The following RPSA variants were observed in gnomAD, a reference collection of about 807,000 sequenced individuals.
The protein encoded by RPSA is ribosomal protein SA.
For synonymous variants in RPSA, 103 were observed against 126.7 expected (o/e 0.81, Z 1.25); for missense variants, 140 against 372.8 (o/e 0.38, Z 5.14).
rs753952340 is a variant in RPSA, at chr3:39,412,083, A to G, written c.793+22A>G. On this transcript the variant is annotated intron_variant, in intron 6 of 6. Coordinates refer to ENST00000301821, the MANE Select transcript of RPSA (RefSeq NM_002295.6). ...ACTGGTATGTATCAGGATAGAGGTGAATCAAGCTGATATTTTGCAACTTCT... is the reference window on the plus strand; with the variant it reads ...ACTGGTATGTATCAGGATAGAGGTGGATCAAGCTGATATTTTGCAACTTCT... The G allele has an allele frequency of 1.2e-5, 19 of 1,607,580 alleles. No individual in the cohort carries two copies. In the East Asian group the frequency reaches 4.2e-4, roughly 36 times the overall value.
intron 1 of RPSA, among the ~76,000 whole-genome samples, 184 bp from the exon 2 acceptor site, chr3:39,407,437 T>A (rs772284562): frequency 1.1e-4 from 16 of 152,158 alleles, no homozygotes; most frequent in Non-Finnish European, 1.9e-4. Flanking sequence ...CCACACTATT[T>A]CCTCAGTAAG....
chr3:39,412,231 T>C (rs189493762), intron 6 of RPSA, 43 bp from the exon 7 acceptor site: 462 of 1,491,670 alleles, frequency 3.1e-4, no homozygotes, highest in Non-Finnish European at 4.2e-4. Context: ...AAATACTACA[T>C]TGAGGACAGA....
chr3:39,409,184 C>CT (rs71091746), intron 3 of RPSA, among the ~76,000 whole-genome samples: 11,935 of 84,690 alleles, frequency 0.14, 1,255 homozygotes, highest in Middle Eastern at 0.22. Context: ...TATGACCTTC[C>CT]TTTTTTTTTT....
rs780597250 is a variant in RPSA at position 39,411,974 on chromosome 3, C to T, written c.706C>T (p.Pro236Ser). The change falls in exon 6 of 7, where the codon CCT (proline) becomes TCT (serine). Residue 236 changes from proline (P) to serine (S), a missense_variant. Pro to Ser is a moderately conservative substitution (Grantham distance 74). Coordinates refer to ENST00000301821, the MANE Select transcript of RPSA (RefSeq NM_002295.6). ...EFQGEWTAPA[P>S]EFTATQPEVA... ...TCAGGGTGAATGGACTGCTCCCGCT[C>T]CTGAGTTCACTGCTACTCAGCCTGA... The T allele has an allele frequency of 3.1e-6, 5 of 1,601,974 alleles. No individual in the cohort carries two copies. The African/African-American group carries it at 4.0e-5, about 13-fold the overall frequency.
Position 39,406,755 on chromosome 3 carries a change from G to A in RPSA, c.-43G>A. On this transcript the variant is annotated 5_prime_UTR_variant, in exon 1 of 7. Transcript: ENST00000301821. ...CTACCTGCAGAGGGGTCCATACGGC[G>A]TTGTTCTGGGTGAGTTCCGTGTAGC... 1 of 422,874 alleles carries A rather than the reference G, an allele frequency of 2.4e-6. No homozygotes were observed. The highest frequency in any genetic ancestry group is 4.7e-6 in the Non-Finnish European group (1 of 212,170). The allele number at this position is 422,874 out of a possible 1,614,324, so 26.2% of individuals were successfully genotyped here.
rs778696194 is a variant in RPSA at position 39,407,627 on chromosome 3, G to A, written c.-27G>A. The A allele has an allele frequency of 6.9e-6, 11 of 1,591,042 alleles. No homozygotes were observed. The highest frequency in any genetic ancestry group is 1.8e-4 in the Middle Eastern group (1 of 5,448). On this transcript the variant is annotated 5_prime_UTR_variant, in exon 2 of 7. Transcript: ENST00000301821. ...GGTTGCTCTCTTATTTCAGATTCCC[G>A]TCGTAACTTAAAGGGAAATTTTCAC...
chr3:39,407,449 T>C (rs973529369), intron 1 of RPSA, among the ~76,000 whole-genome samples, 172 bp from the exon 2 acceptor site: 3 of 152,192 alleles, frequency 2.0e-5, no homozygotes, highest in Non-Finnish European at 4.4e-5. Flanking sequence ...CTCAGTAAGA[T>C]GTGCGCTGTT....
chr3:39,412,068 A>G lies in RPSA; in HGVS notation c.793+7A>G, dbSNP rs1286686770. ...ATTCAGCAATTCCCTACTGGTATGT[A>G]TCAGGATAGAGGTGAATCAAGCTGA... On this transcript the variant is annotated splice_region_variant and intron_variant, in intron 6 of 6. Transcript: ENST00000301821. 1.1e-5 allele frequency: 18 copies of G among 1,610,848 alleles called. No individual in the cohort carries two copies. The highest frequency in any genetic ancestry group is 1.5e-5 in the Non-Finnish European group (18 of 1,179,204).
In RPSA at chr3:39,410,775, G is replaced by A. The variant is rs1443201670; in HGVS notation, c.274G>A (p.Ala92Thr). 9.9e-6 allele frequency: 16 copies of A among 1,613,532 alleles called. No homozygotes were observed. The highest frequency in any genetic ancestry group is 1.4e-5 in the Non-Finnish European group (16 of 1,179,842). ...AAAGAGGGCTGTGCTGAAGTTTGCT[G>A]CTGCCACTGGAGCCACTCCAATTGC... is the stretch of plus-strand genomic sequence containing the variant. ...TGQRAVLKFA[A>T]ATGATPIAGR... Residue 92 changes from alanine to threonine, a missense_variant, in exon 4 of 7, where the codon GCT (alanine) becomes ACT (threonine). Transcript: ENST00000301821.
intron 1 of RPSA, chr3:39,407,075 A>C: frequency 2.2e-6 from 1 of 451,506 alleles, no homozygotes; most frequent in Non-Finnish European, 4.4e-6. Context: ...TCGGAGTCCC[A>C]CACGGCGGTG....
chr3:39,407,519 C>G (rs536067305), intron 1 of RPSA, 102 bp from the exon 2 acceptor site: 1 of 845,812 alleles, frequency 1.2e-6, no homozygotes, highest in South Asian at 1.3e-5. Flanking sequence ...ACTGTAAGCT[C>G]AATGCCTGAC....
chr3:39,406,856 G>C (rs1380534898), intron 1 of RPSA, 92 bp downstream of exon 1: 1 of 456,380 alleles, frequency 2.2e-6, no homozygotes, highest in Admixed American at 2.3e-5. Context: ...AGTGATGAAA[G>C]CCGGTCAGAC....
chr3:39,410,979 G>A lies in RPSA; in HGVS notation c.478G>A (p.Ala160Thr). 6.3e-7 allele frequency: 1 copy of A among 1,599,652 alleles called. No homozygotes were observed. Among genetic ancestry groups the A allele is most frequent in the South Asian group, 1.1e-5 (1 of 91,080 alleles). Reference protein sequence around the residue: ...TDSPLRYVDIAIPCNNKGAHS... With the variant: ...TDSPLRYVDITIPCNNKGAHS... ...TTCTCCTCTGCGCTATGTGGACATT[G>A]CCATCCCATGCAACAACAAGGTAAT... Residue 160 changes from alanine (A) to threonine (T), a missense_variant, in exon 4 of 7, where the codon GCC becomes ACC. By Grantham distance (58) the Ala-to-Thr change is moderately conservative. Transcript: ENST00000301821.
intron 4 of RPSA, chr3:39,411,448 C>G: frequency 4.9e-6 from 3 of 607,886 alleles, no homozygotes; most frequent in South Asian, 2.0e-5. Context: ...TGCCAGTGTC[C>G]AGGCATTTTT....
chr3:39,410,647 A>G, intron 3 of RPSA, 107 bp from the exon 4 acceptor site: 1 of 1,256,948 alleles, frequency 8.0e-7, no homozygotes. Flanking sequence ...TGCCTGCTTT[A>G]CATGGAGTAG....
At chr3:39,407,957 T>A in intron 2 of RPSA, 171 bp downstream of exon 2, 1 of 590,642 alleles carries the variant, frequency 1.7e-6, no homozygotes, top group South Asian at 2.0e-5. Context: ...AGAAAAGATT[T>A]CTGCTCCAGG....
intron 3 of RPSA, among the ~76,000 whole-genome samples, chr3:39,409,748 C>T (rs2041978163): frequency 6.6e-6 from 1 of 152,110 alleles, no homozygotes; most frequent in Non-Finnish European, 1.5e-5. Flanking sequence ...GCCAGGAGAT[C>T]CCTCAAGTCC....
Position 39,411,706 on chromosome 3 carries a change from C to T in RPSA, c.556C>T (p.Arg186Cys), listed in dbSNP as rs397514761. The change falls in exon 5 of 7, where the codon CGT (arginine) becomes TGT (cysteine). Residue 186 changes from arginine (R) to cysteine (C), a missense_variant. By Grantham distance (180) the Arg-to-Cys change is radical. Transcript: ENST00000301821. The stretch of plus-strand genomic sequence containing the variant: ...GCTGGCTCGGGAAGTTCTGCGCATG[C>T]GTGGCACCATTTCCCGTGAACACCC... ...WMLAREVLRM[R>C]GTISREHPWE... 2 of 1,601,876 alleles carry T rather than the reference C, an allele frequency of 1.2e-6. No individual in the cohort carries two copies. Among genetic ancestry groups the T allele is most frequent in the Non-Finnish European group, 1.7e-6 (2 of 1,179,750 alleles).
At chr3:39,411,806 A>C (rs749577447) in intron 5 of RPSA, 29 bp downstream of exon 5, 74 of 1,599,586 alleles carry the variant, frequency 4.6e-5, no homozygotes, top group Non-Finnish European at 5.5e-5. Context: ...TTGTGGTTAC[A>C]TAAGCAAATT....
Sources: allele counts gnomAD v4.1 joint callset (sites outside exome capture counted in the v4.1 genomes callset), GRCh38; gene constraint gnomAD v4.1.1; transcripts MANE v1.5; gene names NCBI Gene and HGNC (gene_info 2026-07-23, HGNC 2026-07-21).